The following RGS22 variants were observed in gnomAD, a reference collection of about 807,000 sequenced individuals.
The protein encoded by RGS22 is regulator of G protein signaling 22, also known as regulator of G-protein signaling 22.
In RGS22, 148 loss-of-function variants were observed where a neutral mutation model predicts 172.9. The observed-to-expected ratio is 0.86, with a 90% CI of 0.75 to 0.98. The LOEUF is 0.98. Among genes scored for constraint, RGS22 ranks in the 50% least tolerant of loss-of-function variants. The probability of loss-of-function intolerance (pLI) is 0.00; values close to 1 mark genes in which losing one functional copy is unlikely to be tolerated. For synonymous variants in RGS22, 458 were observed against 480.2 expected (o/e 0.95, Z 0.60); for missense variants, 1,347 against 1,440.8 (o/e 0.93, Z 1.05).
chr8:99,976,481 C>T (rs1437591592), intron 23 of RGS22, among the ~76,000 whole-genome samples: 3 of 152,116 alleles, frequency 2.0e-5, no homozygotes, highest in Non-Finnish European at 4.4e-5. Context: ...CCTGCCTCAG[C>T]CTCCCAAGTA....
At position 100,008,572 on chromosome 8, in the gene RGS22, G is replaced by A; in HGVS notation, c.2167-3C>T. The A allele has an allele frequency of 6.2e-7, 1 of 1,604,502 alleles. No homozygotes were observed. The highest frequency in any genetic ancestry group is 8.5e-7 in the Non-Finnish European group (1 of 1,175,984). ...GCAACGTATGTGGCAAAAAGATACT[G>A]AAGGAGAAGAGGGAAGAAGGGAGAA... On this transcript the variant is annotated splice_region_variant and splice_polypyrimidine_tract_variant and intron_variant, in intron 14 of 27. Coordinates refer to ENST00000360863, the MANE Select transcript of RGS22 (RefSeq NM_015668.5).
At position 100,040,055 on chromosome 8, in the gene RGS22, T is replaced by C; in HGVS notation, c.1971A>G (p.Gly657=). Residue 657 remains glycine (G), a synonymous_variant, in exon 13 of 28, where the codon GGA becomes GGG. Coordinates refer to ENST00000360863, the MANE Select transcript of RGS22 (RefSeq NM_015668.5). ...VKTVSDVGAL[G]GSDMENLLQS... ...GCAACAAATTTTCCATGTCAGATCC[T>C]CCCAAGGCACCAACATCTGACACGG... is the stretch of plus-strand genomic sequence containing the variant. 6.2e-7 allele frequency: 1 copy of C among 1,610,416 alleles called. No homozygotes were observed. Among genetic ancestry groups the C allele is most frequent in the Non-Finnish European group, 8.5e-7 (1 of 1,178,848 alleles).
chr8:99,995,957 C>T (rs764373560), intron 20 of RGS22, among the ~76,000 whole-genome samples: 6 of 151,944 alleles, frequency 3.9e-5, no homozygotes, highest in Non-Finnish European at 8.8e-5. Context: ...TCATGTCCTT[C>T]GCAGGGACAT....
At chr8:100,025,261 C>CA (rs1818059350) in intron 14 of RGS22, among the ~76,000 whole-genome samples, 1 of 152,164 alleles carries the variant, frequency 6.6e-6, no homozygotes, top group Admixed American at 6.5e-5. Flanking sequence ...CTCAGTGATT[C>CA]ACAGTGTTCA....
intron 4 of RGS22, among the ~76,000 whole-genome samples, chr8:100,078,959 T>A (rs1219429878): frequency 6.6e-6 from 1 of 152,228 alleles, no homozygotes; most frequent in East Asian, 1.9e-4. Context: ...TTCTAAAAAC[T>A]TCTAAATTGC....
At position 99,961,040 on chromosome 8, in the gene RGS22, T is replaced by G. The variant is rs551941227; in HGVS notation, c.*202A>C. The stretch of plus-strand genomic sequence containing the variant: ...TACAGAATAGCTATAATTTTAAAAC[T>G]GCGAGAGTAAGACAAGCCAAATTTT... On this transcript the variant is annotated 3_prime_UTR_variant, in exon 28 of 28. Transcript: ENST00000360863. 1 of 355,640 alleles carries G rather than the reference T, an allele frequency of 2.8e-6. No homozygotes were observed. Among genetic ancestry groups the G allele is most frequent in the East Asian group, 7.5e-5 (1 of 13,276 alleles). The allele number at this position is 355,640 out of a possible 1,614,324, so 22.0% of individuals were successfully genotyped here.
At chr8:99,965,507 T>C (rs1458755616) in intron 23 of RGS22, 77 bp from the exon 24 acceptor site, 2 of 1,039,176 alleles carry the variant, frequency 1.9e-6, no homozygotes, top group Non-Finnish European at 2.9e-6. Flanking sequence ...TAAGGAGTTA[T>C]AACATCATAT....
At chr8:100,054,022 A>C (rs1821991312) in intron 9 of RGS22, among the ~76,000 whole-genome samples, 1 of 152,222 alleles carries the variant, frequency 6.6e-6, no homozygotes, top group Non-Finnish European at 1.5e-5. Flanking sequence ...TGAAGGTAAG[A>C]ATTAATTTTA....
chr8:100,077,841 ATT>A (rs1203330231), intron 4 of RGS22, among the ~76,000 whole-genome samples: 1 of 152,074 alleles, frequency 6.6e-6, no homozygotes, highest in African/African-American at 2.4e-5. Flanking sequence ...ATAACTATAA[ATT>A]TATCTATTTC....
chr8:100,043,088 C>T (rs1248958449), intron 11 of RGS22, among the ~76,000 whole-genome samples: 3 of 152,138 alleles, frequency 2.0e-5, no homozygotes, highest in South Asian at 2.1e-4. Context: ...TCTATTGTAC[C>T]AACACTGGCA....
At position 100,029,178 on chromosome 8, in the gene RGS22, C is replaced by T. The variant is rs371195562; in HGVS notation, c.2166+9753G>A. On this transcript the variant is annotated intron_variant, in intron 14 of 27. Transcript: ENST00000360863. ...AATATTGCTAACAACCATGTGAACA[C>T]TGAAGCTGATCCTTCCCCAGTCGAG... Among the ~76,000 whole-genome samples the T allele has an allele frequency of 3.9e-5, 6 of 152,140 alleles. No homozygotes were observed. The East Asian group carries it at 9.6e-4, about 24-fold the overall frequency.
At chr8:100,029,714 A>G (rs1342315762) in intron 14 of RGS22, among the ~76,000 whole-genome samples, 1 of 150,954 alleles carries the variant, frequency 6.6e-6, no homozygotes, top group Non-Finnish European at 1.5e-5. Flanking sequence ...AAAAAAAAAA[A>G]AAAAAAAAAG....
At chr8:100,104,641 C>T (rs1016972520) in intron 2 of RGS22, among the ~76,000 whole-genome samples, 3 of 152,084 alleles carry the variant, frequency 2.0e-5, no homozygotes, top group African/African-American at 7.2e-5. Flanking sequence ...CACACTATGA[C>T]TATACAATCA....
At chr8:99,986,287 G>A (rs1227233104) in intron 21 of RGS22, among the ~76,000 whole-genome samples, 1 of 152,062 alleles carries the variant, frequency 6.6e-6, no homozygotes, top group Admixed American at 6.6e-5. Context: ...AAAAACTGTT[G>A]ATAACAGAAA....
chr8:100,025,068 T>C (rs574181551), intron 14 of RGS22, among the ~76,000 whole-genome samples: 37 of 152,180 alleles, frequency 2.4e-4, no homozygotes, highest in Non-Finnish European at 5.1e-4. Flanking sequence ...TTTTGGTCTA[T>C]AATCCTACAG....
chr8:100,035,280 A>G (rs1819318837), intron 14 of RGS22, among the ~76,000 whole-genome samples: 1 of 152,202 alleles, frequency 6.6e-6, no homozygotes, highest in African/African-American at 2.4e-5. Context: ...AAACAACCCC[A>G]TCAAAAAGTG....
chr8:99,987,515 T>C lies in RGS22; in HGVS notation c.3123A>G (p.Leu1041=). The C allele has an allele frequency of 1.2e-6, 2 of 1,612,032 alleles. No individual in the cohort carries two copies. Among genetic ancestry groups the C allele is most frequent in the Non-Finnish European group, 8.5e-7 (1 of 1,178,866 alleles). ...AACCATTTTCCAATAAATCTCCTTT[T>C]AGAGCCACAAAACGTTGAAATTGTC... is the stretch of plus-strand genomic sequence containing the variant. The part of the protein sequence containing the change: ...TSRQFQRFVA[L]KGDLLENGLL... Residue 1041 remains leucine, a synonymous_variant, in exon 21 of 28, where the codon CTA becomes CTG. Coordinates refer to ENST00000360863, the MANE Select transcript of RGS22 (RefSeq NM_015668.5).
rs1238386308 is a variant in RGS22 at position 100,051,474 on chromosome 8, T to A, written c.1689+1328A>T. On this transcript the variant is annotated intron_variant, in intron 10 of 27. Coordinates refer to ENST00000360863, the MANE Select transcript of RGS22 (RefSeq NM_015668.5). ...TATTATATTATATATAAATATATAT[T>A]ATATATATTTATATATAATATATAA... 3.0e-5 allele frequency among the ~76,000 whole-genome samples: 3 copies of A among 98,930 alleles called. No individual in the cohort carries two copies. The East Asian group carries it at 7.9e-4, about 26-fold the overall frequency. The allele number at this position is 98,930 out of a possible 152,430, so 64.9% of individuals were successfully genotyped here. A position where few individuals can be genotyped will look rare whatever the true frequency, so the allele number is the denominator to read the frequency against.
intron 14 of RGS22, among the ~76,000 whole-genome samples, chr8:100,015,292 T>TCTTC (rs1816823961): frequency 6.6e-6 from 1 of 152,032 alleles, no homozygotes; most frequent in Non-Finnish European, 1.5e-5. Context: ...TCTTTTCTTT[T>TCTTC]CTTTCTTTCT....
Sources: gnomAD v4.1 joint callset for allele counts (sites outside exome capture counted in the v4.1 genomes callset) on GRCh38, gnomAD v4.1.1 for gene constraint, MANE v1.5 for transcripts, NCBI Gene and HGNC (gene_info 2026-07-23, HGNC 2026-07-21) for gene names.